Variants in NYNRIN observed in about 807,000 individuals in gnomAD.
NYNRIN encodes protein NYNRIN.
NYNRIN carries 86 observed loss-of-function variants against 146.6 expected under a neutral mutation model. That is an observed-to-expected ratio of 0.59 (90% confidence interval 0.49 to 0.70). The LOEUF (loss-of-function observed/expected upper bound fraction) is 0.70. NYNRIN is among the 30% of genes least tolerant of loss of function. The pLI, the probability that NYNRIN is intolerant of heterozygous loss-of-function variation, is 0.00. For synonymous variants in NYNRIN, 1,027 were observed against 1,001.3 expected, an observed-to-expected ratio of 1.03 and a Z score of -0.48; for missense variants, 2,191 against 2,377.7, an observed-to-expected ratio of 0.92 and a Z score of 1.63.
At position 24,415,554 on chromosome 14, in the gene NYNRIN, G is replaced by T. The variant is rs2042939129; in HGVS notation, c.3805G>T (p.Ala1269Ser). 3.7e-6 allele frequency: 6 copies of T among 1,613,866 alleles called. No homozygotes were observed. The highest frequency in any genetic ancestry group is 5.1e-6 in the Non-Finnish European group (6 of 1,179,824). The change falls in exon 9 of 9, where the codon GCC becomes TCC. Residue 1269 changes from alanine (A) to serine (S), a missense_variant. Around this residue, in one of 3 missense-constraint regions of NYNRIN, gnomAD observed 1,291 missense variants for 1,417.0 expected, o/e 0.91. Transcript: ENST00000382554. ...SLLVQDKGKR[A>S]LELALLQGLL... ...CTTGGTTCAGGACAAAGGCAAGAGG[G>T]CCCTGGAATTGGCCCTCCTCCAGGG...
chr14:24,407,979 C>T lies in NYNRIN; in HGVS notation c.309C>T (p.Cys103=), dbSNP rs762144552. 1.2e-6 allele frequency: 2 copies of T among 1,614,046 alleles called. No homozygotes were observed. Among genetic ancestry groups the T allele is most frequent in the Admixed American group, 1.7e-5 (1 of 60,034 alleles). ...AAGGCCTCTTCCTGGACTGCCTCTG[C>T]TGGAGCACCCTTGCCTACCTGGTGC... ...GAQGLFLDCL[C]WSTLAYLVPG... Residue 103 remains cysteine (C), a synonymous_variant, in exon 3 of 9, where the codon TGC becomes TGT. Coordinates refer to ENST00000382554, the MANE Select transcript of NYNRIN (RefSeq NM_025081.3).
At chr14:24,400,802 G>C (rs78122996) in intron 2 of NYNRIN, among the ~76,000 whole-genome samples, 5 of 80,728 alleles carry the variant, frequency 6.2e-5, no homozygotes, top group Non-Finnish European at 1.3e-4. Context: ...TTTTTTTTTT[G>C]AGATGAAGTT....
intron 2 of NYNRIN, among the ~76,000 whole-genome samples, chr14:24,405,437 T>C (rs2042870592): frequency 6.6e-6 from 1 of 152,216 alleles, no homozygotes; most frequent in Admixed American, 6.5e-5. Context: ...TCTGTGTCCT[T>C]TTCTATTCTT....
At position 24,416,886 on chromosome 14, in the gene NYNRIN, C is replaced by T. The variant is rs2042951627; in HGVS notation, c.5137C>T (p.Leu1713=). The T allele has an allele frequency of 3.7e-6, 6 of 1,606,906 alleles. No individual in the cohort carries two copies. Among genetic ancestry groups the T allele is most frequent in the African/African-American group, 1.3e-5 (1 of 74,820 alleles). The part of the protein sequence containing the change: ...SLSRDLQFPC[L]TSSGAYWEFK... ...GAGTCGGGACCTCCAGTTCCCCTGCCTGACGAGCTCAGGGGCCTACTGGGA... is the reference window on the plus strand; with the variant it reads ...GAGTCGGGACCTCCAGTTCCCCTGCTTGACGAGCTCAGGGGCCTACTGGGA... Residue 1713 remains leucine, a synonymous_variant, in exon 9 of 9, where the codon CTG becomes TTG. Transcript: ENST00000382554.
rs1163423196 is a variant in NYNRIN at position 24,408,363 on chromosome 14, C to T, written c.693C>T (p.Ala231=). The change falls in exon 3 of 9, where the codon GCC becomes GCT. Residue 231 remains alanine (A), a synonymous_variant. Coordinates refer to ENST00000382554, the MANE Select transcript of NYNRIN (RefSeq NM_025081.3). ...GCCCTCCCCAGCAGCAGAAGGAAGC[C>T]CCAGCCATGGTGTCCGTGGGAGAGA... ...LICPPQQQKE[A]PAMVSVGESP... is the part of the protein sequence containing the mutation. 6.2e-7 allele frequency: 1 copy of T among 1,613,892 alleles called. No homozygotes were observed. The highest frequency in any genetic ancestry group is 2.2e-5 in the East Asian group (1 of 44,878).
Position 24,416,568 on chromosome 14 carries a change from C to A in NYNRIN, c.4819C>A (p.Pro1607Thr). The change falls in exon 9 of 9, where the codon CCC becomes ACC. Residue 1607 changes from proline to threonine, a missense_variant. By Grantham distance (38) the Pro-to-Thr change is conservative. Transcript: ENST00000382554. Reference protein sequence around the residue: ...SELKVIESPWPLRSTAPWSNL... With the variant: ...SELKVIESPWTLRSTAPWSNL... ...GTTGAAGGTTATTGAGTCCCCATGG[C>A]CCCTCAGGTCGACCGCCCCCTGGTC... 1.9e-6 allele frequency: 3 copies of A among 1,613,986 alleles called. No homozygotes were observed. In the South Asian group the frequency reaches 3.3e-5, roughly 18 times the overall value.
intron 2 of NYNRIN, among the ~76,000 whole-genome samples, chr14:24,405,960 G>A (rs928736269): frequency 1.3e-4 from 19 of 151,864 alleles, no homozygotes; most frequent in African/African-American, 4.4e-4. Flanking sequence ...TCAAGAGTTC[G>A]AGACCAGCCT....
chr14:24,410,933 C>T, intron 4 of NYNRIN, 143 bp from the exon 5 acceptor site: 2 of 992,524 alleles, frequency 2.0e-6, no homozygotes, highest in East Asian at 2.5e-5. Context: ...CAAGTAGGTG[C>T]TCACAGAATG....
At chr14:24,404,853 C>T (rs1466714912) in intron 2 of NYNRIN, among the ~76,000 whole-genome samples, 2 of 152,288 alleles carry the variant, frequency 1.3e-5, no homozygotes, top group East Asian at 3.9e-4. Context: ...ATACATCATT[C>T]TTTGGCCCTC....
In NYNRIN at chr14:24,409,907, C is replaced by G; in HGVS notation, c.2113C>G (p.Pro705Ala). The G allele has an allele frequency of 2.5e-6, 4 of 1,613,660 alleles. No homozygotes were observed. The highest frequency in any genetic ancestry group is 1.1e-5 in the South Asian group (1 of 90,958). ...DVARLLSEVQ[P>A]TSRASVSLLK... ...AGCCAGACTTCTGAGTGAGGTCCAG[C>G]CTACATCAAGGGCTAGTGTCTCCTT... Residue 705 changes from proline (P) to alanine (A), a missense_variant, in exon 4 of 9, where the codon CCT becomes GCT. Coordinates refer to ENST00000382554, the MANE Select transcript of NYNRIN (RefSeq NM_025081.3).
chr14:24,415,472 C>A lies in NYNRIN; in HGVS notation c.3723C>A (p.Asp1241Glu). 6.2e-7 allele frequency: 1 copy of A among 1,613,912 alleles called. No individual in the cohort carries two copies. Among genetic ancestry groups the A allele is most frequent in the Non-Finnish European group, 8.5e-7 (1 of 1,179,860 alleles). The stretch of plus-strand genomic sequence containing the variant: ...CCTATGCCTCCCGGACCACTGCGGA[C>A]CCTGAGGTGCGGGAGGGCCGCAGGG... ...DLSYASRTTA[D>E]PEVREGRRVS... Residue 1241 changes from aspartate (D) to glutamate (E), a missense_variant, in exon 9 of 9, where the codon GAC (aspartate) becomes GAA (glutamate). Coordinates refer to ENST00000382554, the MANE Select transcript of NYNRIN (RefSeq NM_025081.3).
intron 7 of NYNRIN, 73 bp from the exon 8 acceptor site, chr14:24,413,243 A>C: frequency 6.8e-7 from 1 of 1,460,900 alleles, no homozygotes; most frequent in East Asian, 2.4e-5. Flanking sequence ...CGCCATGGAG[A>C]AGCCAGGCGA....
chr14:24,404,574 A>G (rs1182247640), intron 2 of NYNRIN, among the ~76,000 whole-genome samples: 1 of 152,180 alleles, frequency 6.6e-6, no homozygotes, highest in African/African-American at 2.4e-5. Flanking sequence ...CAAGCCTGAT[A>G]ATCCTTGCAT....
Position 24,409,599 on chromosome 14 carries a change from C to T in NYNRIN, c.1805C>T (p.Thr602Ile). The change falls in exon 4 of 9, where the codon ACA (threonine) becomes ATA (isoleucine). Residue 602 changes from threonine (T) to isoleucine (I), a missense_variant. Physicochemically the swap from Thr to Ile is moderately conservative, Grantham distance 89. Around this residue, in one of 3 missense-constraint regions of NYNRIN, gnomAD observed 895 missense variants for 941.2 expected, o/e 0.95. Coordinates refer to ENST00000382554, the MANE Select transcript of NYNRIN (RefSeq NM_025081.3). ...AAGCCAACAGCTCAACTGATGGCCA[C>T]AGCTCAAAAAACAGTTGTGAATCAA... Reference protein sequence around the residue: ...PTKPTAQLMATAQKTVVNQPV... With the variant: ...PTKPTAQLMAIAQKTVVNQPV... The T allele has an allele frequency of 6.2e-7, 1 of 1,609,378 alleles. No individual in the cohort carries two copies. Among genetic ancestry groups the T allele is most frequent in the Non-Finnish European group, 8.5e-7 (1 of 1,177,750 alleles).
chr14:24,416,399 C>T lies in NYNRIN; in HGVS notation c.4650C>T (p.Asp1550=). ...GGGATCTGATTTTCTCTGTGCATGA[C>T]ATTCCCTTGGGGGCCCACCAGAGGC... is the stretch of plus-strand genomic sequence containing the variant. ...LRRDLIFSVH[D]IPLGAHQRPE... Residue 1550 remains aspartate, a synonymous_variant, in exon 9 of 9, where the codon GAC becomes GAT. Transcript: ENST00000382554. The T allele has an allele frequency of 3.7e-6, 6 of 1,613,008 alleles. No individual in the cohort carries two copies. Among genetic ancestry groups the T allele is most frequent in the Non-Finnish European group, 5.1e-6 (6 of 1,179,418 alleles).
At chr14:24,406,148 T>C (rs1468014734) in intron 2 of NYNRIN, among the ~76,000 whole-genome samples, 1 of 151,108 alleles carries the variant, frequency 6.6e-6, no homozygotes, top group Non-Finnish European at 1.5e-5. Flanking sequence ...TATCAGAGCC[T>C]CTAGCTGTGC....
chr14:24,405,038 G>GTGAGAA (rs2042868865), intron 2 of NYNRIN, among the ~76,000 whole-genome samples: 19 of 149,052 alleles, frequency 1.3e-4, no homozygotes, highest in Admixed American at 1.1e-3. Context: ...GAGAGAATGT[G>GTGAGAA]TGTGTGTGAA....
Position 24,416,845 on chromosome 14 carries a change from C to G in NYNRIN, c.5096C>G (p.Ala1699Gly). Residue 1699 changes from alanine (A) to glycine (G), a missense_variant, in exon 9 of 9, where the codon GCC becomes GGC. By Grantham distance (60) the Ala-to-Gly change is moderately conservative (BLOSUM62 0). This residue lies in a region of NYNRIN where 1,291 missense variants were observed against 1,417.0 expected (regional missense o/e 0.91). Coordinates refer to ENST00000382554, the MANE Select transcript of NYNRIN (RefSeq NM_025081.3). ...VLVSCGLALG[A>G]QVASLSRDLQ... Reference sequence around the variant, plus strand: ...GTGAGCTGTGGGCTGGCCCTGGGAGCCCAGGTGGCCTCCCTGAGTCGGGAC... The same window carrying G: ...GTGAGCTGTGGGCTGGCCCTGGGAGGCCAGGTGGCCTCCCTGAGTCGGGAC... 2.5e-6 allele frequency: 4 copies of G among 1,608,876 alleles called. No homozygotes were observed. Among genetic ancestry groups the G allele is most frequent in the Non-Finnish European group, 3.4e-6 (4 of 1,176,858 alleles).
At position 24,416,049 on chromosome 14, in the gene NYNRIN, G is replaced by T. The variant is rs1428024988; in HGVS notation, c.4300G>T (p.Gly1434Cys). 3 of 1,613,898 alleles carry T rather than the reference G, an allele frequency of 1.9e-6. No homozygotes were observed. In the African/African-American group the frequency reaches 4.0e-5, roughly 22 times the overall value. ...LPFIYRTSYR[G>C]SLFAVTVDTL... ...GTTTATCTACCGAACCTCCTACCGG[G>T]GCTCTCTGTTTGCTGTGACAGTGGA... Residue 1434 changes from glycine to cysteine, a missense_variant, in exon 9 of 9, where the codon GGC (glycine) becomes TGC (cysteine). Transcript: ENST00000382554.
Sources: gnomAD v4.1 joint callset for allele counts (sites outside exome capture counted in the v4.1 genomes callset) on GRCh38, gnomAD v4.1.1 for gene constraint, gnomAD v4.1.1 regional missense constraint, MANE v1.5 for transcripts, NCBI Gene and HGNC (gene_info 2026-07-23, HGNC 2026-07-21) for gene names.